HMGCLL1: variants seen among roughly 807,000 people sequenced by gnomAD.
The protein encoded by HMGCLL1 is 3-hydroxy-3-methylglutaryl-CoA lyase like 1, also known as 3-hydroxymethyl-3-methylglutaryl-CoA lyase, cytoplasmic.
Under a neutral mutation model 39.1 loss-of-function variants are expected in HMGCLL1, and 36 were observed. That is an observed-to-expected ratio of 0.92 (90% confidence interval 0.71 to 1.22). The LOEUF (loss-of-function observed/expected upper bound fraction) is 1.22, where lower values mean the gene tolerates loss of function less well. Among genes scored for constraint, HMGCLL1 ranks in the 50% most tolerant of loss-of-function variants. HMGCLL1 has a pLI of 0.00. For missense variants in HMGCLL1, 451 were observed against 416.5 expected, an observed-to-expected ratio of 1.08 and a Z score of -0.72; for synonymous variants, 149 against 144.0, an observed-to-expected ratio of 1.03 and a Z score of -0.25.
At chr6:55,666,855 G>A in the HMGCLL1 span, among the ~76,000 whole-genome samples, 1 of 151,586 alleles carries the variant, frequency 6.6e-6, no homozygotes, top group African/African-American at 2.4e-5. Flanking sequence ...AGACATGGGA[G>A]GAGAGTACCA....
At chr6:55,593,950 G>C in the HMGCLL1 span, among the ~76,000 whole-genome samples, 9 of 152,072 alleles carry the variant, frequency 5.9e-5, no homozygotes, top group Non-Finnish European at 1.3e-4. Context: ...AAACGGTTTG[G>C]GACCAAAGCT....
chr6:55,598,104 G>A, the HMGCLL1 span, among the ~76,000 whole-genome samples: 2 of 152,102 alleles, frequency 1.3e-5, no homozygotes, highest in Admixed American at 6.6e-5. Flanking sequence ...GTCCTCATCA[G>A]TGGATGTGTT....
At chr6:55,635,836 A>G in the HMGCLL1 span, among the ~76,000 whole-genome samples, 1 of 152,180 alleles carries the variant, frequency 6.6e-6, no homozygotes, top group Non-Finnish European at 1.5e-5. Context: ...GAATAGTGAC[A>G]TTGAATAAAA....
intron 1 of HMGCLL1, among the ~76,000 whole-genome samples, chr6:55,564,785 A>G (rs1201216563): frequency 1.3e-5 from 2 of 151,786 alleles, no homozygotes; most frequent in African/African-American, 2.4e-5. Flanking sequence ...AAAGCTTACA[A>G]GAGTTTTGGT....
chr6:55,664,722 T>C, the HMGCLL1 span, among the ~76,000 whole-genome samples: 1 of 151,680 alleles, frequency 6.6e-6, no homozygotes, highest in African/African-American at 2.4e-5. Context: ...TCTCATGAGA[T>C]ACATTCAATT....
the HMGCLL1 span, among the ~76,000 whole-genome samples, chr6:55,616,840 G>A: frequency 2.0e-5 from 3 of 151,932 alleles, no homozygotes; most frequent in African/African-American, 7.2e-5. Flanking sequence ...TTAGAGAGGT[G>A]AGAGAGATTT....
chr6:55,543,443 G>A (rs62407363), intron 1 of HMGCLL1, among the ~76,000 whole-genome samples: 1 of 15,956 alleles, frequency 6.3e-5, no homozygotes, highest in Non-Finnish European at 1.1e-4. Flanking sequence ...TATCATATAT[G>A]ATATATATGA....
At chr6:55,616,524 A>G in the HMGCLL1 span, among the ~76,000 whole-genome samples, 1 of 152,250 alleles carries the variant, frequency 6.6e-6, no homozygotes, top group East Asian at 1.9e-4. Flanking sequence ...ATAAATGGAT[A>G]CTGTTTTAAG....
chr6:55,657,178 T>G, the HMGCLL1 span, among the ~76,000 whole-genome samples: 1 of 152,124 alleles, frequency 6.6e-6, no homozygotes, highest in Non-Finnish European at 1.5e-5. Context: ...TAGTTTCTTT[T>G]GCTGTGCAGA....
At chr6:55,571,938 A>C (rs1025739618) in intron 1 of HMGCLL1, among the ~76,000 whole-genome samples, 4 of 152,216 alleles carry the variant, frequency 2.6e-5, no homozygotes, top group African/African-American at 9.6e-5. Flanking sequence ...AGAAATGGGC[A>C]GGTATAGTCT....
intron 7 of HMGCLL1, among the ~76,000 whole-genome samples, chr6:55,465,216 A>G (rs1764746162): frequency 6.6e-6 from 1 of 152,008 alleles, no homozygotes. Context: ...TTTTTCTCTT[A>G]TGTTTGATCA....
At chr6:55,452,655 T>C (rs1764149507) in intron 7 of HMGCLL1, among the ~76,000 whole-genome samples, 1 of 152,182 alleles carries the variant, frequency 6.6e-6, no homozygotes, top group African/African-American at 2.4e-5. Context: ...AAAGCTGAGA[T>C]TCAGAATCAG....
chr6:55,602,217 T>A, the HMGCLL1 span, among the ~76,000 whole-genome samples: 1 of 152,242 alleles, frequency 6.6e-6, no homozygotes, highest in East Asian at 1.9e-4. Context: ...TTTTCCTCTC[T>A]GGCTCCAGGA....
At chr6:55,674,992 A>T in the HMGCLL1 span, among the ~76,000 whole-genome samples, 1 of 152,148 alleles carries the variant, frequency 6.6e-6, no homozygotes, top group African/African-American at 2.4e-5. Flanking sequence ...AAACAATTTC[A>T]TAAAAGACAA....
At chr6:55,450,321 A>T (rs1453713298) in intron 7 of HMGCLL1, among the ~76,000 whole-genome samples, 1 of 152,232 alleles carries the variant, frequency 6.6e-6, no homozygotes, top group Non-Finnish European at 1.5e-5. Flanking sequence ...GAAGATTTCA[A>T]AACAAACGAA....
chr6:55,505,479 T>C (rs1220373787), intron 5 of HMGCLL1, among the ~76,000 whole-genome samples: 1 of 151,650 alleles, frequency 6.6e-6, no homozygotes, highest in Non-Finnish European at 1.5e-5. Context: ...TATTATTAAG[T>C]GAATGAACAA....
intron 7 of HMGCLL1, among the ~76,000 whole-genome samples, chr6:55,489,980 G>A (rs1170559490): frequency 1.3e-5 from 2 of 152,064 alleles, no homozygotes; most frequent in African/African-American, 2.4e-5. Flanking sequence ...TACCCGTTAG[G>A]AGGACACTGG....
chr6:55,610,177 G>A, the HMGCLL1 span, among the ~76,000 whole-genome samples: 1 of 152,114 alleles, frequency 6.6e-6, no homozygotes, highest in Non-Finnish European at 1.5e-5. Context: ...CTGGATGGAG[G>A]ATAAGCTAGA....
At chr6:55,436,003 T>C (rs1472368531) in intron 8 of HMGCLL1, among the ~76,000 whole-genome samples, 2 of 151,880 alleles carry the variant, frequency 1.3e-5, no homozygotes, top group African/African-American at 4.8e-5. Context: ...ATAATATAGG[T>C]AGACACACTT....
Sources: allele counts gnomAD v4.1 joint callset (sites outside exome capture counted in the v4.1 genomes callset), GRCh38; gene constraint gnomAD v4.1.1; transcripts MANE v1.5; gene names NCBI Gene and HGNC (gene_info 2026-07-23, HGNC 2026-07-21).